The following RANBP2 variants were observed in gnomAD, a reference collection of about 807,000 sequenced individuals.
The protein encoded by RANBP2 is E3 SUMO-protein ligase RanBP2.
RANBP2 carries 57 observed loss-of-function variants against 303.6 expected under a neutral mutation model. The observed-to-expected ratio is 0.19, with a 90% CI of 0.15 to 0.23. RANBP2 has a LOEUF of 0.23. Ranked by LOEUF, RANBP2 falls within the 10% of genes least tolerant of loss-of-function variation. The pLI is 1.00. For missense variants in RANBP2, 3,138 were observed against 3,780.8 expected (o/e 0.83, Z 4.46); for synonymous variants, 1,167 against 1,301.5 (o/e 0.90, Z 2.23).
At chr2:109,552,941 T>C in the RANBP2 span, 3 of 898,426 alleles carry the variant, frequency 3.3e-6, no homozygotes, top group Non-Finnish European at 5.0e-6. Context: ...TCTAAGTCAA[T>C]ATTCAAATAC....
At chr2:109,644,679 A>ATGTGTT in the RANBP2 span, among the ~76,000 whole-genome samples, 6 of 152,164 alleles carry the variant, frequency 3.9e-5, no homozygotes, top group Non-Finnish European at 5.9e-5. Context: ...CATGTGAAAC[A>ATGTGTT]CTGTTTTCCC....
At chr2:108,834,557 C>A in the RANBP2 span, among the ~76,000 whole-genome samples, 2 of 152,148 alleles carry the variant, frequency 1.3e-5, no homozygotes, top group African/African-American at 4.8e-5. Context: ...AAATAGTTGA[C>A]ATCAATCCAT....
the RANBP2 span, among the ~76,000 whole-genome samples, chr2:109,496,008 C>A: frequency 6.6e-6 from 1 of 152,194 alleles, no homozygotes; most frequent in Non-Finnish European, 1.5e-5. Context: ...CAGACCTTCG[C>A]GGTGAAGAGC....
the RANBP2 span, among the ~76,000 whole-genome samples, chr2:109,765,395 A>T: frequency 1.9e-4 from 28 of 150,394 alleles, 1 homozygote; most frequent in African/African-American, 2.2e-4. Context: ...TCTTTTTTTT[A>T]AAATTTCCCA....
At chr2:108,906,827 A>G in the RANBP2 span, among the ~76,000 whole-genome samples, 2 of 152,168 alleles carry the variant, frequency 1.3e-5, no homozygotes, top group Non-Finnish European at 1.5e-5. Context: ...CTCCCTTGTA[A>G]CAACCCCACA....
At chr2:109,429,578 C>T in the RANBP2 span, among the ~76,000 whole-genome samples, 1 of 152,026 alleles carries the variant, frequency 6.6e-6, no homozygotes, top group Non-Finnish European at 1.5e-5. Context: ...CCATTCAGGA[C>T]CCCAGCCTCC....
the RANBP2 span, among the ~76,000 whole-genome samples, chr2:108,889,415 C>T: frequency 1.3e-5 from 2 of 152,136 alleles, no homozygotes; most frequent in Admixed American, 6.5e-5. Context: ...TATTGTATTG[C>T]ATCTATCTCT....
the RANBP2 span, among the ~76,000 whole-genome samples, chr2:109,234,660 T>C: frequency 6.6e-6 from 1 of 152,372 alleles, no homozygotes; most frequent in Admixed American, 6.5e-5. Context: ...GCTCTGCTTC[T>C]TGTTGATCTC....
At chr2:109,145,523 T>C in the RANBP2 span, among the ~76,000 whole-genome samples, 167 of 152,308 alleles carry the variant, frequency 1.1e-3, 1 homozygote, top group African/African-American at 3.9e-3. Flanking sequence ...GAAGCCCTCA[T>C]GAAAGGGGCT....
chr2:108,793,709 G>T, the RANBP2 span, among the ~76,000 whole-genome samples: 18 of 151,630 alleles, frequency 1.2e-4, no homozygotes, highest in African/African-American at 3.9e-4. Flanking sequence ...CCACTCTCCT[G>T]CCTCAGCCTC....
chr2:109,646,265 A>T, the RANBP2 span, among the ~76,000 whole-genome samples: 1 of 152,214 alleles, frequency 6.6e-6, no homozygotes, highest in Non-Finnish European at 1.5e-5. Context: ...AGACGCTCAC[A>T]TCGGGTGCAA....
the RANBP2 span, chr2:109,501,993 G>T: frequency 3.4e-6 from 1 of 291,692 alleles, no homozygotes; most frequent in Non-Finnish European, 6.6e-6. Context: ...CCATGGCAGC[G>T]TTCTCATTTA....
At chr2:109,014,238 G>A in the RANBP2 span, among the ~76,000 whole-genome samples, 1 of 152,328 alleles carries the variant, frequency 6.6e-6, no homozygotes, top group Non-Finnish European at 1.5e-5. Flanking sequence ...TTAGGAAAAT[G>A]GAGTTGAGAG....
At chr2:109,013,152 C>A in the RANBP2 span, among the ~76,000 whole-genome samples, 1 of 152,202 alleles carries the variant, frequency 6.6e-6, no homozygotes, top group Non-Finnish European at 1.5e-5. Context: ...GGTTTCTCTA[C>A]TTCTAATGAC....
the RANBP2 span, among the ~76,000 whole-genome samples, chr2:109,534,648 C>T: frequency 6.6e-6 from 1 of 151,964 alleles, no homozygotes; most frequent in Admixed American, 6.6e-5. Flanking sequence ...GGCGTGATGG[C>T]ACTGGCCTTT....
In RANBP2 at chr2:108,766,400, C is replaced by T. The variant is rs2149280323; in HGVS notation, c.5861C>T (p.Thr1954Ile). 6.2e-7 allele frequency: 1 copy of T among 1,611,954 alleles called. No homozygotes were observed. Among genetic ancestry groups the T allele is most frequent in the African/African-American group, 1.3e-5 (1 of 74,938 alleles). ...TFTFADLAKS[T>I]SGEGFQFGKK... is the part of the protein sequence containing the mutation. The stretch of plus-strand genomic sequence containing the variant: ...ACATTTGCAGATCTTGCAAAATCAA[C>T]TTCAGGAGAAGGATTTCAGTTTGGC... The change falls in exon 20 of 29, where the codon ACT becomes ATT. Residue 1954 changes from threonine (T) to isoleucine (I), a missense_variant. Thr to Ile is a moderately conservative substitution (Grantham distance 89). Transcript: ENST00000283195.
the RANBP2 span, among the ~76,000 whole-genome samples, chr2:109,548,775 CAAAAAAAAAAAAAAAA>C: frequency 1.6e-5 from 1 of 63,542 alleles, no homozygotes; most frequent in South Asian, 8.1e-4. Flanking sequence ...GGCTCCATCT[CAAAAAAAAAAAAAAAA>C]AAAAAAAAAA....
rs1676206793 is a variant in RANBP2, at chr2:108,755,182, C to T, written c.2389C>T (p.Pro797Ser). ...TATTTTTATTTTTTTTTAGTATTCT[C>T]CCAAAACACCACCTCGATGGGCAGA... ...LSPSKSYKYS[P>S]KTPPRWAEDQ... Residue 797 changes from proline to serine, a missense_variant, in exon 17 of 29, where the codon CCC becomes TCC. By Grantham distance (74) the Pro-to-Ser change is moderately conservative. Around this residue, in one of 20 missense-constraint regions of RANBP2, gnomAD observed 194 missense variants for 197.4 expected, o/e 0.98. Coordinates refer to ENST00000283195, the MANE Select transcript of RANBP2 (RefSeq NM_006267.5). 2 of 1,611,610 alleles carry T rather than the reference C, an allele frequency of 1.2e-6. No individual in the cohort carries two copies. Among genetic ancestry groups the T allele is most frequent in the Non-Finnish European group, 1.7e-6 (2 of 1,179,814 alleles).
Position 108,773,004 on chromosome 2 carries a change from G to A in RANBP2, c.8250G>A (p.Gly2750=). ...CSDTDEDNGN[G]EDFQSELQKV... ...ATACTGATGAAGACAATGGAAATGG[G>A]GAGGACTTTCAATCAGAGCTTCAAA... Residue 2750 remains glycine, a synonymous_variant, in exon 23 of 29, where the codon GGG becomes GGA. Transcript: ENST00000283195. 1 of 1,613,806 alleles carries A rather than the reference G, an allele frequency of 6.2e-7. No individual in the cohort carries two copies. Among genetic ancestry groups the A allele is most frequent in the South Asian group, 1.1e-5 (1 of 91,022 alleles).
Sources: allele counts gnomAD v4.1 joint callset (sites outside exome capture counted in the v4.1 genomes callset), GRCh38; gene constraint gnomAD v4.1.1; regional missense constraint gnomAD v4.1.1; transcripts MANE v1.5; gene names NCBI Gene and HGNC (gene_info 2026-07-23, HGNC 2026-07-21).